SYNPO2: variants seen among roughly 807,000 people sequenced by gnomAD.
SYNPO2 encodes the protein synaptopodin-2.
A neutral mutation model predicts 85.0 loss-of-function variants in SYNPO2; 56 were observed. That is an observed-to-expected ratio of 0.66 (90% CI 0.53 to 0.82). SYNPO2 has a LOEUF of 0.82. Ranked by LOEUF, SYNPO2 falls within the 40% of genes least tolerant of loss-of-function variation. The probability of loss-of-function intolerance (pLI) is 0.00; values close to 1 mark genes in which losing one functional copy is unlikely to be tolerated. For synonymous variants in SYNPO2, 602 were observed against 591.1 expected (o/e 1.02, Z -0.27); for missense variants, 1,575 against 1,534.2 (o/e 1.03, Z -0.44).
intron 1 of SYNPO2, among the ~76,000 whole-genome samples, chr4:118,932,425 G>C (rs1333771247): frequency 6.6e-6 from 1 of 152,130 alleles, no homozygotes; most frequent in Non-Finnish European, 1.5e-5. Context: ...ACATGTTATT[G>C]TTAATAAAAT....
chr4:119,056,246 AGG>A, intron 4 of SYNPO2, among the ~76,000 whole-genome samples: 1 of 152,268 alleles, frequency 6.6e-6, no homozygotes, highest in Non-Finnish European at 1.5e-5. Flanking sequence ...AGAACACAAG[AGG>A]TTTCATTAAA....
intron 1 of SYNPO2, among the ~76,000 whole-genome samples, chr4:119,021,635 C>G (rs1286694604): frequency 6.6e-6 from 1 of 152,048 alleles, no homozygotes; most frequent in African/African-American, 2.4e-5. Context: ...GTGGCATGCT[C>G]AAAGAAGAAT....
intron 1 of SYNPO2, among the ~76,000 whole-genome samples, chr4:118,985,581 A>AT: frequency 6.6e-6 from 1 of 152,260 alleles, no homozygotes; most frequent in African/African-American, 2.4e-5. Context: ...CCACTGACAT[A>AT]TTAATAGAGT....
At chr4:118,879,016 C>T (rs748037470) in intron 1 of SYNPO2, among the ~76,000 whole-genome samples, 1 of 152,126 alleles carries the variant, frequency 6.6e-6, no homozygotes, top group Admixed American at 6.6e-5. Context: ...AGACCATGAA[C>T]CCACAGGGAG....
intron 1 of SYNPO2, among the ~76,000 whole-genome samples, chr4:118,946,184 C>T (rs373681251): frequency 2.6e-5 from 4 of 152,182 alleles, no homozygotes; most frequent in African/African-American, 4.8e-5. Context: ...AAAGGGAGGA[C>T]GACTTATATC....
At chr4:119,032,172 C>A in intron 4 of SYNPO2, 145 bp downstream of exon 4, 2 of 1,471,282 alleles carry the variant, frequency 1.4e-6, no homozygotes, top group Non-Finnish European at 1.8e-6. Flanking sequence ...AGATATGTCA[C>A]CTCCTAATCT....
intron 1 of SYNPO2, among the ~76,000 whole-genome samples, chr4:118,935,001 G>C (rs1320766815): frequency 6.6e-6 from 1 of 152,088 alleles, no homozygotes; most frequent in African/African-American, 2.4e-5. Context: ...TAATAGTTAA[G>C]ATAGTTATCC....
chr4:118,913,162 T>C (rs1733197312), intron 1 of SYNPO2, among the ~76,000 whole-genome samples: 1 of 152,190 alleles, frequency 6.6e-6, no homozygotes, highest in Non-Finnish European at 1.5e-5. Context: ...AAAAGGCAGA[T>C]TTATAACTAT....
intron 1 of SYNPO2, among the ~76,000 whole-genome samples, chr4:118,995,140 G>C (rs139927337): frequency 6.6e-6 from 1 of 152,178 alleles, no homozygotes; most frequent in Non-Finnish European, 1.5e-5. Context: ...CACCAGTGCT[G>C]TCTCATGATC....
At chr4:118,965,217 A>C (rs772009608) in intron 1 of SYNPO2, among the ~76,000 whole-genome samples, 11 of 152,154 alleles carry the variant, frequency 7.2e-5, no homozygotes, top group Non-Finnish European at 1.6e-4. Context: ...GGGTCATGGG[A>C]GAGCACAGCA....
chr4:119,048,350 G>C (rs1422326860), intron 4 of SYNPO2, among the ~76,000 whole-genome samples: 1 of 152,182 alleles, frequency 6.6e-6, no homozygotes, highest in Non-Finnish European at 1.5e-5. Context: ...GCCTGATGTA[G>C]AAATTATCAT....
chr4:118,859,963 C>T (rs1272850153), intron 1 of SYNPO2, among the ~76,000 whole-genome samples: 1 of 152,042 alleles, frequency 6.6e-6, no homozygotes, highest in Non-Finnish European at 1.5e-5. Flanking sequence ...CATCTGGTAG[C>T]TCTATTTTTA....
chr4:118,996,494 TAAAC>T (rs1187885817), intron 1 of SYNPO2, among the ~76,000 whole-genome samples: 3 of 152,264 alleles, frequency 2.0e-5, no homozygotes, highest in African/African-American at 7.2e-5. Context: ...AGTGATTGAA[TAAAC>T]AAAACAATAC....
intron 1 of SYNPO2, among the ~76,000 whole-genome samples, chr4:119,018,781 A>T (rs1158130563): frequency 6.6e-6 from 1 of 152,180 alleles, no homozygotes; most frequent in Non-Finnish European, 1.5e-5. Flanking sequence ...TTTATTGTAT[A>T]CTTCAGGATA....
intron 4 of SYNPO2, chr4:119,035,019 C>G (rs183027296): frequency 2.0e-6 from 2 of 985,458 alleles, no homozygotes; most frequent in Non-Finnish European, 2.4e-6. Context: ...AGAGCATCCA[C>G]GAAGTCGGTT....
intron 1 of SYNPO2, among the ~76,000 whole-genome samples, chr4:118,865,043 G>A (rs1484622750): frequency 1.3e-5 from 2 of 152,180 alleles, no homozygotes; most frequent in South Asian, 2.1e-4. Flanking sequence ...GAGGTCTGAG[G>A]GAACAAAAGG....
intron 1 of SYNPO2, among the ~76,000 whole-genome samples, chr4:118,943,094 G>A (rs541489093): frequency 6.0e-5 from 9 of 149,842 alleles, no homozygotes; most frequent in African/African-American, 1.7e-4. Context: ...GTGACAGAGC[G>A]AGACTCCATC....
Position 119,023,455 on chromosome 4 carries a change from G to A in SYNPO2, c.131G>A (p.Gly44Glu), listed in dbSNP as rs1455799339. 6.2e-7 allele frequency: 1 copy of A among 1,613,410 alleles called. No individual in the cohort carries two copies. Among genetic ancestry groups the A allele is most frequent in the East Asian group, 2.2e-5 (1 of 44,860 alleles). ...AKIRNQSKASGSGLCEGDEVV... is the reference protein window; with the variant it reads ...AKIRNQSKASESGLCEGDEVV... ...ATTCGAAATCAGAGCAAAGCCTCTG[G>A]GTCTGGGCTCTGTGAGGGAGATGAA... The change falls in exon 2 of 5, where the codon GGG (glycine) becomes GAG (glutamate). Residue 44 changes from glycine (G) to glutamate (E), a missense_variant. Physicochemically the swap from Gly to Glu is moderately conservative, Grantham distance 98. Coordinates refer to ENST00000307142, the MANE Select transcript of SYNPO2 (RefSeq NM_133477.3).
At chr4:119,009,518 T>TCA (rs999393152) in intron 1 of SYNPO2, among the ~76,000 whole-genome samples, 2 of 152,122 alleles carry the variant, frequency 1.3e-5, no homozygotes, top group Non-Finnish European at 2.9e-5. Flanking sequence ...TCTGCCTGTT[T>TCA]CACACACACA....
Sources: gnomAD v4.1 joint callset for allele counts (sites outside exome capture counted in the v4.1 genomes callset) on GRCh38, gnomAD v4.1.1 for gene constraint, MANE v1.5 for transcripts, NCBI Gene and HGNC (gene_info 2026-07-23, HGNC 2026-07-21) for gene names.